Variants in DCAF17 observed in about 807,000 individuals in gnomAD.
DCAF17 encodes DDB1- and CUL4-associated factor 17.
In DCAF17, 48 loss-of-function variants were observed where a neutral mutation model predicts 66.0. The observed-to-expected ratio is 0.73, with a 90% CI of 0.58 to 0.92. The LOEUF (loss-of-function observed/expected upper bound fraction) is 0.92. Among genes scored for constraint, DCAF17 ranks in the 40% least tolerant of loss-of-function variants. The probability of loss-of-function intolerance (pLI) is 0.00; values close to 1 mark genes in which losing one functional copy is unlikely to be tolerated. For missense variants in DCAF17, 562 were observed against 622.8 expected (o/e 0.90, Z 1.04); for synonymous variants, 206 against 214.6 (o/e 0.96, Z 0.35).
chr2:171,461,691 C>A (rs976067912), intron 8 of DCAF17, among the ~76,000 whole-genome samples: 1 of 151,888 alleles, frequency 6.6e-6, no homozygotes, highest in Non-Finnish European at 1.5e-5. Flanking sequence ...TAAAATGCAC[C>A]CATTTTAACT....
At position 171,453,232 on chromosome 2, in the gene DCAF17, T is replaced by C. The variant is rs772669685; in HGVS notation, c.627+19T>C. The C allele has an allele frequency of 6.5e-7, 1 of 1,529,556 alleles. No individual in the cohort carries two copies. The highest frequency in any genetic ancestry group is 1.1e-5 in the South Asian group (1 of 87,802). The allele number at this position is 1,529,556 out of a possible 1,614,324, so 94.7% of individuals were successfully genotyped here. A position where few individuals can be genotyped will look rare whatever the true frequency, so the allele number is the denominator to read the frequency against. On this transcript the variant is annotated intron_variant, in intron 6 of 13. Coordinates refer to ENST00000375255, the MANE Select transcript of DCAF17 (RefSeq NM_025000.4). ...CAAAAAGGTAAGAACTCATTTCTTA[T>C]TTAATTGCAATATTTTATTGACAAT...
intron 3 of DCAF17, among the ~76,000 whole-genome samples, chr2:171,445,898 G>A (rs1694592545): frequency 6.6e-6 from 1 of 151,968 alleles, no homozygotes; most frequent in Admixed American, 6.6e-5. Context: ...GCCTAGGCTA[G>A]TCTTGAACTC....
chr2:171,458,271 A>T, intron 7 of DCAF17, 101 bp from the exon 8 acceptor site: 1 of 1,140,478 alleles, frequency 8.8e-7, no homozygotes, highest in South Asian at 1.3e-5. Flanking sequence ...TTGGAAAAAG[A>T]CATTTTCTTT....
Position 171,481,937 on chromosome 2 carries a change from A to T in DCAF17, c.*823A>T. Reference sequence around the variant, plus strand: ...AATATTTGCATACTTATGCAATAAGATAAAGGTACCCTTGCCTGCAGTAGT... The same window carrying T: ...AATATTTGCATACTTATGCAATAAGTTAAAGGTACCCTTGCCTGCAGTAGT... On this transcript the variant is annotated 3_prime_UTR_variant, in exon 14 of 14. Transcript: ENST00000375255. 2 of 454,078 alleles carry T rather than the reference A, an allele frequency of 4.4e-6. No individual in the cohort carries two copies. The highest frequency in any genetic ancestry group is 3.1e-5 in the South Asian group (2 of 64,468). 28.1% of individuals were successfully genotyped at this position (454,078 alleles called of 1,614,324 possible). A position where few individuals can be genotyped will look rare whatever the true frequency, so the allele number is the denominator to read the frequency against.
At chr2:171,467,766 A>G (rs988748943) in intron 8 of DCAF17, among the ~76,000 whole-genome samples, 1 of 140,932 alleles carries the variant, frequency 7.1e-6, no homozygotes, top group Non-Finnish European at 1.5e-5. Flanking sequence ...TTGTACGTGG[A>G]TTTTTGACTA....
At chr2:171,458,319 A>G (rs1327167885) in intron 7 of DCAF17, 53 bp from the exon 8 acceptor site, 1 of 1,441,548 alleles carries the variant, frequency 6.9e-7, no homozygotes, top group East Asian at 2.3e-5. Flanking sequence ...TTCTCTCCAG[A>G]TATCAAATAA....
chr2:171,477,893 G>A, intron 11 of DCAF17, 94 bp from the exon 12 acceptor site: 1 of 969,952 alleles, frequency 1.0e-6, no homozygotes, highest in East Asian at 2.6e-5. Flanking sequence ...TGGGAGAAGG[G>A]TTGGTAAGTT....
intron 5 of DCAF17, among the ~76,000 whole-genome samples, chr2:171,452,683 C>G (rs1304338732): frequency 6.6e-6 from 1 of 152,162 alleles, no homozygotes; most frequent in Non-Finnish European, 1.5e-5. Flanking sequence ...AGGCTGGTCT[C>G]AGACTCCTAG....
At position 171,434,630 on chromosome 2, in the gene DCAF17, T is replaced by A; in HGVS notation, c.53T>A (p.Leu18Gln). 1 of 1,532,380 alleles carries A rather than the reference T, an allele frequency of 6.5e-7. No homozygotes were observed. The highest frequency in any genetic ancestry group is 8.7e-7 in the Non-Finnish European group (1 of 1,147,470). 94.9% of individuals were successfully genotyped at this position (1,532,380 alleles called of 1,614,324 possible). ...NVCSRLSRRA[L>Q]GCFSRDAGVV... The stretch of plus-strand genomic sequence containing the variant: ...TGCAGCCGGCTGAGTCGCCGGGCGC[T>A]GGGCTGCTTCTCGCGCGACGCAGGC... Residue 18 changes from leucine (L) to glutamine (Q), a missense_variant, in exon 1 of 14, where the codon CTG becomes CAG. By Grantham distance (113) the Leu-to-Gln change is moderately radical. This residue lies in a region of DCAF17 where 348 missense variants were observed against 355.9 expected (regional missense o/e 0.98). Transcript: ENST00000375255.
chr2:171,460,374 A>C (rs1695513033), intron 8 of DCAF17, among the ~76,000 whole-genome samples: 1 of 151,534 alleles, frequency 6.6e-6, no homozygotes, highest in Non-Finnish European at 1.5e-5. Context: ...GATGATAAAG[A>C]CAAAGTACAT....
chr2:171,444,285 G>A (rs1210745184), intron 3 of DCAF17, among the ~76,000 whole-genome samples: 6 of 152,062 alleles, frequency 3.9e-5, no homozygotes, highest in African/African-American at 1.4e-4. Flanking sequence ...TTTGATCATA[G>A]AACTTCCTTG....
chr2:171,468,870 C>T lies in DCAF17; in HGVS notation c.839-18C>T, dbSNP rs925342589. 1 of 1,614,038 alleles carries T rather than the reference C, an allele frequency of 6.2e-7. No individual in the cohort carries two copies. The highest frequency in any genetic ancestry group is 2.2e-5 in the East Asian group (1 of 44,870). On this transcript the variant is annotated intron_variant, in intron 8 of 13. Coordinates refer to ENST00000375255, the MANE Select transcript of DCAF17 (RefSeq NM_025000.4). The stretch of plus-strand genomic sequence containing the variant: ...CCAGAACAGTGCAGCTAATGAATTC[C>T]TTTTCCTGTCTCTACAGACATGCCA...
chr2:171,476,996 T>A, intron 11 of DCAF17, 46 bp downstream of exon 11: 1 of 1,346,062 alleles, frequency 7.4e-7, no homozygotes, highest in Non-Finnish European at 1.1e-6. Flanking sequence ...ATTGTCTTTC[T>A]ATATAAGACT....
At chr2:171,453,360 A>G in intron 6 of DCAF17, 147 bp downstream of exon 6, 1 of 625,278 alleles carries the variant, frequency 1.6e-6, no homozygotes, top group South Asian at 2.2e-5. Context: ...AACAAAATAC[A>G]TGAGAACATT....
At chr2:171,440,402 C>A (rs1224129400) in intron 2 of DCAF17, among the ~76,000 whole-genome samples, 2 of 152,016 alleles carry the variant, frequency 1.3e-5, no homozygotes, top group African/African-American at 4.8e-5. Flanking sequence ...TGGCAAAACC[C>A]CATCTCTACA....
intron 3 of DCAF17, among the ~76,000 whole-genome samples, chr2:171,444,429 T>G (rs1453608690): frequency 6.6e-6 from 1 of 152,156 alleles, no homozygotes; most frequent in African/African-American, 2.4e-5. Flanking sequence ...TGCCCTCATG[T>G]GACAGGCACA....
rs117574700 is a variant in DCAF17 at position 171,474,502 on chromosome 2, A to G, written c.1091+527A>G. The G allele has an allele frequency of 7.2e-4, 120 of 165,762 alleles. 2 individuals are homozygous for G. In the East Asian group the frequency reaches 0.016, roughly 22 times the overall value. 10.3% of individuals were successfully genotyped at this position (165,762 alleles called of 1,614,324 possible). ...TTTGCTTTCATGTTCTTCCTTCTCT[A>G]CCCAGACTTTAATTGTTGAATGTCC... On this transcript the variant is annotated intron_variant, in intron 10 of 13. Coordinates refer to ENST00000375255, the MANE Select transcript of DCAF17 (RefSeq NM_025000.4).
At position 171,482,947 on chromosome 2, in the gene DCAF17, A is replaced by G. The variant is rs1559298016; in HGVS notation, c.*1833A>G. ...AGGAAATATACCTCATGTGAAAGAC[A>G]GTAAGGAGTTGTGGGCAGTGTAACA... On this transcript the variant is annotated 3_prime_UTR_variant, in exon 14 of 14. Transcript: ENST00000375255. 1 of 454,094 alleles carries G rather than the reference A, an allele frequency of 2.2e-6. No homozygotes were observed. The allele number at this position is 454,094 out of a possible 1,614,324, so 28.1% of individuals were successfully genotyped here.
In DCAF17 at chr2:171,484,174, A is replaced by G. The variant is rs1696860211; in HGVS notation, c.*3060A>G. 2 of 446,812 alleles carry G rather than the reference A, an allele frequency of 4.5e-6. No homozygotes were observed. Among genetic ancestry groups the G allele is most frequent in the Non-Finnish European group, 8.9e-6 (2 of 225,348 alleles). 27.7% of individuals were successfully genotyped at this position (446,812 alleles called of 1,614,324 possible). ...AGTTTTCATATTATTTGGCTTCCAT[A>G]TTAATCATTTTTATATTTTCTTCTC... On this transcript the variant is annotated 3_prime_UTR_variant, in exon 14 of 14. Transcript: ENST00000375255.
Sources: allele counts gnomAD v4.1 joint callset (sites outside exome capture counted in the v4.1 genomes callset), GRCh38; gene constraint gnomAD v4.1.1; regional missense constraint gnomAD v4.1.1; transcripts MANE v1.5; gene names NCBI Gene and HGNC (gene_info 2026-07-23, HGNC 2026-07-21).